Variants in DPP10 observed in about 807,000 individuals in gnomAD.
DPP10 encodes inactive dipeptidyl peptidase 10.
Under a neutral mutation model 120.9 loss-of-function variants are expected in DPP10, and 33 were observed. That is an observed-to-expected ratio of 0.27 (90% confidence interval 0.21 to 0.37). DPP10 has a LOEUF of 0.37. Ranked by LOEUF, DPP10 falls within the 10% of genes least tolerant of loss-of-function variation. The probability of loss-of-function intolerance (pLI) is 1.00; values close to 1 mark genes in which losing one functional copy is unlikely to be tolerated. For synonymous variants in DPP10, 337 were observed against 326.1 expected (o/e 1.03, Z -0.36); for missense variants, 816 against 942.8 (o/e 0.87, Z 1.76).
At chr2:115,793,942 A>G (rs112469335) in intron 19 of DPP10, among the ~76,000 whole-genome samples, 1 of 152,254 alleles carries the variant, frequency 6.6e-6, no homozygotes, top group Non-Finnish European at 1.5e-5. Context: ...TTGAAAACAT[A>G]TAAGGGTCAG....
intron 1 of DPP10, among the ~76,000 whole-genome samples, chr2:114,701,330 G>C (rs971200368): frequency 6.6e-6 from 1 of 152,022 alleles, no homozygotes; most frequent in Non-Finnish European, 1.5e-5. Context: ...AGAATGCTAG[G>C]ATTTGCAGAG....
At chr2:114,645,895 G>T (rs1696081788) in intron 1 of DPP10, among the ~76,000 whole-genome samples, 1 of 152,150 alleles carries the variant, frequency 6.6e-6, no homozygotes, top group South Asian at 2.1e-4. Flanking sequence ...GGGGATAATG[G>T]CTCATGCCTG....
At chr2:114,489,507 A>G (rs1681801075) in intron 1 of DPP10, among the ~76,000 whole-genome samples, 1 of 152,226 alleles carries the variant, frequency 6.6e-6, no homozygotes, top group Non-Finnish European at 1.5e-5. Flanking sequence ...GACAAATACC[A>G]TAATTGCTAA....
At chr2:114,725,269 A>G (rs1701972338) in intron 1 of DPP10, among the ~76,000 whole-genome samples, 1 of 152,068 alleles carries the variant, frequency 6.6e-6, no homozygotes, top group Admixed American at 6.6e-5. Context: ...ACTCCTCTCT[A>G]TCCACCGCAC....
intron 4 of DPP10, among the ~76,000 whole-genome samples, chr2:115,515,931 A>G (rs889025819): frequency 1.3e-5 from 2 of 152,152 alleles, no homozygotes; most frequent in African/African-American, 4.8e-5. Flanking sequence ...TTCCAGCCTT[A>G]GGATTAATTC....
chr2:114,878,083 A>G (rs1294200968), intron 1 of DPP10, among the ~76,000 whole-genome samples: 1 of 152,112 alleles, frequency 6.6e-6, no homozygotes, highest in Admixed American at 6.6e-5. Flanking sequence ...GAAAAGAAGA[A>G]ATAAAAGCCC....
At chr2:115,512,042 C>A (rs1271195877) in intron 4 of DPP10, among the ~76,000 whole-genome samples, 1 of 151,640 alleles carries the variant, frequency 6.6e-6, no homozygotes, top group Non-Finnish European at 1.5e-5. Flanking sequence ...TCCTCCCTCC[C>A]TTCCCCACTC....
intron 1 of DPP10, among the ~76,000 whole-genome samples, chr2:115,283,237 A>G (rs182821352): frequency 6.6e-6 from 1 of 152,044 alleles, no homozygotes; most frequent in Non-Finnish European, 1.5e-5. Context: ...TAATATTTTT[A>G]GAAGTATATA....
chr2:115,836,087 TTGTGTGTGTGTATG>T (rs992881751), intron 21 of DPP10, 56 bp from the exon 22 acceptor site: 17 of 796,824 alleles, frequency 2.1e-5, no homozygotes, highest in Admixed American at 8.8e-5. Context: ...ATATATAAAT[TTGTGTGTGTGTATG>T]TGTGTGTGTG....
At chr2:114,654,107 G>C (rs934144179) in intron 1 of DPP10, among the ~76,000 whole-genome samples, 4 of 152,114 alleles carry the variant, frequency 2.6e-5, no homozygotes, top group Non-Finnish European at 5.9e-5. Context: ...ACATAAAAAT[G>C]ATCAGGTTTG....
intron 3 of DPP10, among the ~76,000 whole-genome samples, chr2:115,484,314 A>G (rs1178417259): frequency 6.6e-6 from 1 of 151,876 alleles, no homozygotes; most frequent in Non-Finnish European, 1.5e-5. Flanking sequence ...ATGCACACTC[A>G]TTGTGTAATA....
intron 1 of DPP10, 24 bp downstream of exon 1, chr2:114,442,862 C>T: frequency 6.2e-7 from 1 of 1,612,774 alleles, no homozygotes; most frequent in Non-Finnish European, 8.5e-7. Context: ...TTTCCCTCTG[C>T]TTCTGCACAT....
At chr2:115,386,159 A>C (rs2066915884) in intron 3 of DPP10, among the ~76,000 whole-genome samples, 1 of 152,220 alleles carries the variant, frequency 6.6e-6, no homozygotes, top group African/African-American at 2.4e-5. Flanking sequence ...AAGAGTAATT[A>C]AAATACTATT....
intron 1 of DPP10, among the ~76,000 whole-genome samples, chr2:114,747,834 T>C (rs1678720050): frequency 6.6e-6 from 1 of 152,054 alleles, no homozygotes; most frequent in African/African-American, 2.4e-5. Flanking sequence ...TCTAGGGAAC[T>C]TTTTTTTCTC....
chr2:115,318,881 T>C (rs571260849), intron 2 of DPP10, among the ~76,000 whole-genome samples: 3 of 152,254 alleles, frequency 2.0e-5, no homozygotes, highest in African/African-American at 7.2e-5. Context: ...TACTTCTTCA[T>C]GTCCAAATTG....
intron 1 of DPP10, among the ~76,000 whole-genome samples, chr2:114,913,303 T>A (rs943598280): frequency 6.6e-6 from 1 of 152,130 alleles, no homozygotes; most frequent in African/African-American, 2.4e-5. Flanking sequence ...GGTCCTGCCA[T>A]CACCTACCAC....
chr2:115,466,249 A>G (rs1027113732), intron 3 of DPP10, among the ~76,000 whole-genome samples: 1 of 152,146 alleles, frequency 6.6e-6, no homozygotes, highest in Non-Finnish European at 1.5e-5. Context: ...ATTCACTTCA[A>G]AACGTCTGAT....
intron 1 of DPP10, among the ~76,000 whole-genome samples, chr2:115,171,126 C>T (rs962222917): frequency 1.3e-5 from 2 of 151,964 alleles, no homozygotes; most frequent in Non-Finnish European, 2.9e-5. Flanking sequence ...TTTGGAAGGC[C>T]GAGGCAGGTG....
intron 5 of DPP10, among the ~76,000 whole-genome samples, chr2:115,566,887 AT>A (rs2149073361): frequency 6.6e-6 from 1 of 152,262 alleles, no homozygotes; most frequent in East Asian, 1.9e-4. Context: ...ACAGGGTTTA[AT>A]TTTGCCATCA....
Sources: gnomAD v4.1 joint callset for allele counts (sites outside exome capture counted in the v4.1 genomes callset) on GRCh38, gnomAD v4.1.1 for gene constraint, MANE v1.5 for transcripts, NCBI Gene and HGNC (gene_info 2026-07-23, HGNC 2026-07-21) for gene names.